Variants in TGFBR3 observed in about 807,000 individuals in gnomAD.
TGFBR3 encodes the protein transforming growth factor beta receptor type 3.
A neutral mutation model predicts 87.9 loss-of-function variants in TGFBR3; 46 were observed. The observed-to-expected ratio is 0.52, with a 90% confidence interval of 0.41 to 0.67. The LOEUF is 0.67. Among genes scored for constraint, TGFBR3 ranks in the 30% least tolerant of loss-of-function variants. The probability of loss-of-function intolerance (pLI) is 0.00; values close to 1 mark genes in which losing one functional copy is unlikely to be tolerated. For synonymous variants in TGFBR3, 381 were observed against 391.6 expected (o/e 0.97, Z 0.32); for missense variants, 866 against 1,041.9 (o/e 0.83, Z 2.32).
chr1:91,791,767 G>A (rs1675201841), intron 3 of TGFBR3, among the ~76,000 whole-genome samples: 1 of 152,180 alleles, frequency 6.6e-6, no homozygotes, highest in African/African-American at 2.4e-5. Flanking sequence ...ACCTCCCTAA[G>A]CCCAAGCATC....
At chr1:91,861,730 A>T in intron 1 of TGFBR3, 86 bp from the exon 2 acceptor site, 1 of 626,252 alleles carries the variant, frequency 1.6e-6, no homozygotes, top group Middle Eastern at 2.6e-4. Flanking sequence ...ATTTCTGAAA[A>T]GCGTAATGTA....
chr1:91,884,623 T>C (rs771622788), intron 1 of TGFBR3, among the ~76,000 whole-genome samples: 4 of 152,226 alleles, frequency 2.6e-5, no homozygotes, highest in Non-Finnish European at 5.9e-5. Context: ...CAGAAAGTTA[T>C]GTATGATCTT....
At chr1:91,779,849 C>G (rs1211210260) in intron 3 of TGFBR3, among the ~76,000 whole-genome samples, 1 of 152,154 alleles carries the variant, frequency 6.6e-6, no homozygotes, top group Non-Finnish European at 1.5e-5. Context: ...GGCCAGAAGT[C>G]CAAAATCAGC....
chr1:91,818,334 G>C, intron 2 of TGFBR3, among the ~76,000 whole-genome samples: 1 of 128,442 alleles, frequency 7.8e-6, no homozygotes. Flanking sequence ...GAAAGTTTAG[G>C]ACAGCAGAAA....
chr1:91,799,067 C>T (rs1675499923), intron 2 of TGFBR3, among the ~76,000 whole-genome samples: 1 of 152,150 alleles, frequency 6.6e-6, no homozygotes, highest in Non-Finnish European at 1.5e-5. Context: ...AGATAGAACC[C>T]ACGAAAAAGG....
chr1:91,713,825 T>C (rs1027478283), intron 12 of TGFBR3, among the ~76,000 whole-genome samples: 2 of 152,104 alleles, frequency 1.3e-5, no homozygotes, highest in Non-Finnish European at 2.9e-5. Flanking sequence ...AAATTACATA[T>C]GTGCTATTAC....
At chr1:91,864,570 CAGA>C (rs1199600457) in intron 1 of TGFBR3, among the ~76,000 whole-genome samples, 6 of 152,180 alleles carry the variant, frequency 3.9e-5, no homozygotes, top group African/African-American at 1.4e-4. Context: ...AAATAAACTG[CAGA>C]AGGTTTTTGT....
In TGFBR3 at chr1:91,692,388, AT is replaced by A. The variant is rs113128734; in HGVS notation, c.2437+3283del. 6.6e-5 allele frequency among the ~76,000 whole-genome samples: 10 copies of A among 151,858 alleles called. No individual in the cohort carries two copies. In the East Asian group the frequency reaches 1.4e-3, roughly 21 times the overall value. ...AGAAGGTAAGGACAGTAGGGGTGTG[AT>A]TTTTTTTTCATAATGAGTCTTGTAG... On this transcript the variant is annotated intron_variant, in intron 16 of 16. Coordinates refer to ENST00000212355, the MANE Select transcript of TGFBR3 (RefSeq NM_003243.5).
intron 1 of TGFBR3, among the ~76,000 whole-genome samples, chr1:91,905,641 C>T (rs1679830106): frequency 1.3e-5 from 2 of 152,058 alleles, no homozygotes; most frequent in Admixed American, 6.6e-5. Context: ...GCTGATCCAC[C>T]CGCCTCGGCC....
intron 4 of TGFBR3, among the ~76,000 whole-genome samples, chr1:91,747,449 C>A (rs1451465218): frequency 6.6e-6 from 1 of 152,176 alleles, no homozygotes; most frequent in East Asian, 1.9e-4. Flanking sequence ...CCCCAGCAAT[C>A]TCAGGAGCTG....
At chr1:91,861,755 A>G in intron 1 of TGFBR3, 111 bp from the exon 2 acceptor site, 1 of 575,000 alleles carries the variant, frequency 1.7e-6, no homozygotes. Flanking sequence ...ATTTATCTTA[A>G]AAGATGCAAA....
At chr1:91,824,226 T>C (rs1676553382) in intron 2 of TGFBR3, among the ~76,000 whole-genome samples, 1 of 152,202 alleles carries the variant, frequency 6.6e-6, no homozygotes, top group South Asian at 2.1e-4. Flanking sequence ...GAGTATGTAG[T>C]ACAGAACACA....
At chr1:91,814,153 G>C (rs1434192447) in intron 2 of TGFBR3, among the ~76,000 whole-genome samples, 1 of 152,092 alleles carries the variant, frequency 6.6e-6, no homozygotes, top group South Asian at 2.1e-4. Context: ...TTTCCATGTT[G>C]ATTAGAAGTC....
chr1:91,844,950 C>T (rs1557740689), intron 2 of TGFBR3, among the ~76,000 whole-genome samples: 2 of 152,172 alleles, frequency 1.3e-5, no homozygotes, highest in Non-Finnish European at 1.5e-5. Flanking sequence ...TAAGCTGCTA[C>T]TCTAGACCTG....
chr1:91,898,044 TAAA>T (rs11331075), intron 2 of TGFBR3, among the ~76,000 whole-genome samples: 16 of 148,754 alleles, frequency 1.1e-4, no homozygotes, highest in Admixed American at 1.3e-4. Context: ...GTTTTCAATT[TAAA>T]AAAAAAAAAA....
chr1:91,814,326 G>A (rs1016331136), intron 2 of TGFBR3, among the ~76,000 whole-genome samples: 1 of 152,054 alleles, frequency 6.6e-6, no homozygotes, highest in South Asian at 2.1e-4. Context: ...AAATGAAATC[G>A]TTTCTTTGCC....
intron 2 of TGFBR3, among the ~76,000 whole-genome samples, chr1:91,834,389 A>G (rs1045570249): frequency 6.6e-6 from 1 of 152,208 alleles, no homozygotes; most frequent in African/African-American, 2.4e-5. Context: ...CTCATTTCCT[A>G]TCCTCTGACA....
At chr1:91,802,193 G>T (rs946495490) in intron 2 of TGFBR3, among the ~76,000 whole-genome samples, 4 of 152,086 alleles carry the variant, frequency 2.6e-5, no homozygotes, top group African/African-American at 9.7e-5. Context: ...ACGCTCTTCT[G>T]CCACCAGCTG....
At chr1:91,769,316 T>C (rs1674293006) in intron 3 of TGFBR3, among the ~76,000 whole-genome samples, 1 of 152,144 alleles carries the variant, frequency 6.6e-6, no homozygotes, top group South Asian at 2.1e-4. Context: ...TATACCATCC[T>C]CCATTGAGGC....
Sources: gnomAD v4.1 joint callset for allele counts (sites outside exome capture counted in the v4.1 genomes callset) on GRCh38, gnomAD v4.1.1 for gene constraint, MANE v1.5 for transcripts, NCBI Gene and HGNC (gene_info 2026-07-23, HGNC 2026-07-21) for gene names.